The following ZPR1 variants were observed in gnomAD, a reference collection of about 807,000 sequenced individuals.
ZPR1 encodes the protein ZPR1 zinc finger.
Under a neutral mutation model 59.6 loss-of-function variants are expected in ZPR1, and 37 were observed. The observed-to-expected ratio is 0.62, with a 90% confidence interval of 0.48 to 0.82. The LOEUF (loss-of-function observed/expected upper bound fraction) is 0.82. ZPR1 is among the 40% of genes least tolerant of loss of function. ZPR1 has a pLI of 0.00. For synonymous variants in ZPR1, 191 were observed against 215.2 expected, an observed-to-expected ratio of 0.89 and a Z score of 0.99; for missense variants, 527 against 579.9, an observed-to-expected ratio of 0.91 and a Z score of 0.94.
chr11:116,775,411 T>G lies in ZPR1; in HGVS notation c.*3514A>C, dbSNP rs1940707886. 1 of 140,534 alleles carries G rather than the reference T, an allele frequency of 7.1e-6. No individual in the cohort carries two copies. Among genetic ancestry groups the G allele is most frequent in the Admixed American group, 7.6e-5 (1 of 13,160 alleles). 8.7% of individuals were successfully genotyped at this position (140,534 alleles called of 1,614,324 possible). On this transcript the variant is annotated 3_prime_UTR_variant, in exon 14 of 14. Transcript: ENST00000227322. ...GAGGCAAGGCTGCAGTGAGCCAAGATCGCACCACTGCACTCCATCCTGGGT... is the reference window on the plus strand; with the variant it reads ...GAGGCAAGGCTGCAGTGAGCCAAGAGCGCACCACTGCACTCCATCCTGGGT...
Position 116,786,523 on chromosome 11 carries a change from C to G in ZPR1, c.483G>C (p.Gln161His), listed in dbSNP as rs1940889388. 1.9e-6 allele frequency: 3 copies of G among 1,614,216 alleles called. No individual in the cohort carries two copies. The highest frequency in any genetic ancestry group is 2.5e-6 in the Non-Finnish European group (3 of 1,180,032). Residue 161 changes from glutamine (Q) to histidine (H), a missense_variant, in exon 4 of 14, where the codon CAG becomes CAC. Coordinates refer to ENST00000227322, the MANE Select transcript of ZPR1 (RefSeq NM_003904.5). ...AACCCCAGCTTACCCTTCGTGCAGG[C>G]TGGTCCTGCTCCAGGCCAGAGATAG... ...TRAISGLEQD[Q>H]PARRANKDAT...
rs752955196 is a variant in ZPR1, at chr11:116,782,909, AG to A, written c.1092+9del. 1.2e-5 allele frequency: 19 copies of A among 1,611,946 alleles called. 1 individual carries two copies. Among genetic ancestry groups the A allele is most frequent in the Middle Eastern group, 1.7e-4 (1 of 6,056 alleles). On this transcript the variant is annotated intron_variant, in intron 11 of 13. Transcript: ENST00000227322. The stretch of plus-strand genomic sequence containing the variant: ...TCAAAGGTGGTTTACACACTACTCA[AG>A]TGACTCACCAGTTCCCGGATGTCTT...
rs1365376283 is a variant in ZPR1 at position 116,774,323 on chromosome 11, G to C, written c.*4602C>G. ...GTTGTACATTAGATTCCCAGAACTTGTCTTAAAACTGAAAACTTGTACCAT... is the reference window on the plus strand; with the variant it reads ...GTTGTACATTAGATTCCCAGAACTTCTCTTAAAACTGAAAACTTGTACCAT... On this transcript the variant is annotated 3_prime_UTR_variant, in exon 14 of 14. Transcript: ENST00000227322. 6.6e-6 allele frequency: 1 copy of C among 152,064 alleles called. No homozygotes were observed. Among genetic ancestry groups the C allele is most frequent in the Non-Finnish European group, 1.5e-5 (1 of 68,000 alleles). 9.4% of individuals were successfully genotyped at this position (152,064 alleles called of 1,614,324 possible).
chr11:116,783,536 G>A lies in ZPR1; in HGVS notation c.975C>T (p.Leu325=), dbSNP rs368516782. 2.1e-5 allele frequency: 34 copies of A among 1,613,574 alleles called. No homozygotes were observed. The highest frequency in any genetic ancestry group is 2.8e-5 in the Non-Finnish European group (33 of 1,179,610). ...TTCCCAAGCAGACTGTTACCTTGAG[G>A]AGGTCTCTGGTCATATCTGAGGCAT... ...ITDASDMTRD[L]LKSETCSVEI... Residue 325 remains leucine, a synonymous_variant, in exon 10 of 14, where the codon CTC becomes CTT. Transcript: ENST00000227322.
intron 3 of ZPR1, 73 bp downstream of exon 3, chr11:116,786,895 AG>A: frequency 4.1e-6 from 5 of 1,205,278 alleles, no homozygotes; most frequent in Non-Finnish European, 4.9e-6. Flanking sequence ...ACCTGGCACC[AG>A]GGGGTTTTGC....
In ZPR1 at chr11:116,786,944, C is replaced by T. The variant is rs1322393421; in HGVS notation, c.424+25G>A. The T allele has an allele frequency of 1.9e-6, 3 of 1,594,782 alleles. No individual in the cohort carries two copies. In the Admixed American group the frequency reaches 5.0e-5, roughly 27 times the overall value. ...AAGATTCTAGCTACATGCGAACAGC[C>T]CAAATACTCTGATCTTAAACTTACC... On this transcript the variant is annotated intron_variant, in intron 3 of 13. Transcript: ENST00000227322.
intron 7 of ZPR1, 41 bp from the exon 8 acceptor site, chr11:116,784,962 T>C (rs1250897558): frequency 6.2e-7 from 1 of 1,612,450 alleles, no homozygotes. Flanking sequence ...CCCTCCCAGA[T>C]GGGATGTTCA....
Position 116,775,745 on chromosome 11 carries a change from CCCCAT to C in ZPR1, c.*3175_*3179del, listed in dbSNP as rs1940715260. On this transcript the variant is annotated 3_prime_UTR_variant, in exon 14 of 14. Transcript: ENST00000227322. ...GGATAATTTTGTTTATCCTAATTAT[CCCCAT>C]TTTACAGACTAGGAAAACAAGCATT... The C allele has an allele frequency of 1.2e-5, 2 of 165,124 alleles. No individual in the cohort carries two copies. Among genetic ancestry groups the C allele is most frequent in the African/African-American group, 4.9e-5 (2 of 40,924 alleles). The allele number at this position is 165,124 out of a possible 1,614,324, so 10.2% of individuals were successfully genotyped here.
At position 116,785,737 on chromosome 11, in the gene ZPR1, G is replaced by A. The variant is rs1940876187; in HGVS notation, c.582+59C>T. 9 of 1,611,780 alleles carry A rather than the reference G, an allele frequency of 5.6e-6. No homozygotes were observed. The South Asian group carries it at 9.9e-5, about 18-fold the overall frequency. On this transcript the variant is annotated intron_variant, in intron 5 of 13. Transcript: ENST00000227322. ...GCAGGCATCACAGTGGAAAATCCCA[G>A]CAGTCTTAATGGTCCCTCCTCCCCT...
In ZPR1 at chr11:116,787,036, C is replaced by T. The variant is rs770430998; in HGVS notation, c.357G>A (p.Lys119=). Residue 119 remains lysine (K), a synonymous_variant, in exon 3 of 14, where the codon AAG becomes AAA. Coordinates refer to ENST00000227322, the MANE Select transcript of ZPR1 (RefSeq NM_003904.5). ...GAATCCTTGTGGCAGCAGAGTCAGTCTTCACCACTTCTCTGTTCATGTCCT... is the reference window on the plus strand; with the variant it reads ...GAATCCTTGTGGCAGCAGAGTCAGTTTTCACCACTTCTCTGTTCATGTCCT... ...ALEDMNREVV[K]TDSAATRIPE... is the part of the protein sequence containing the mutation. 6.2e-7 allele frequency: 1 copy of T among 1,614,178 alleles called. No homozygotes were observed. The highest frequency in any genetic ancestry group is 1.1e-5 in the South Asian group (1 of 91,082).
chr11:116,781,808 C>T (rs1014812245), intron 12 of ZPR1, among the ~76,000 whole-genome samples: 17 of 151,960 alleles, frequency 1.1e-4, no homozygotes, highest in African/African-American at 2.4e-4. Context: ...GTCAGGAGTT[C>T]GAGACCAGTC....
At position 116,787,931 on chromosome 11, in the gene ZPR1, G is replaced by T; in HGVS notation, c.60C>A (p.Pro20=). The part of the protein sequence containing the change: ...GPPGAAVAPS[P]APAPPPAPDH... ...CAGGGGCAGGCGGCGGGGCCGGGGC[G>T]GGCGACGGGGCGACGGCAGCCCCCG... The change falls in exon 1 of 14, where the codon CCC becomes CCA. Residue 20 remains proline, a synonymous_variant. Coordinates refer to ENST00000227322, the MANE Select transcript of ZPR1 (RefSeq NM_003904.5). 3 of 1,478,552 alleles carry T rather than the reference G, an allele frequency of 2.0e-6. No individual in the cohort carries two copies. The highest frequency in any genetic ancestry group is 2.7e-6 in the Non-Finnish European group (3 of 1,122,202). 91.6% of individuals were successfully genotyped at this position (1,478,552 alleles called of 1,614,324 possible). A position where few individuals can be genotyped will look rare whatever the true frequency, so the allele number is the denominator to read the frequency against.
rs745764070 is a variant in ZPR1, at chr11:116,779,075, G to A, written c.1246-16C>T. 10 of 1,613,592 alleles carry A rather than the reference G, an allele frequency of 6.2e-6. No homozygotes were observed. Among genetic ancestry groups the A allele is most frequent in the Non-Finnish European group, 6.8e-6 (8 of 1,179,802 alleles). ...CATACACATTCTGCAAGGTCAAGGA[G>A]AGACAATCAGTGCCGCTGTGCCACT... On this transcript the variant is annotated splice_polypyrimidine_tract_variant and intron_variant, in intron 13 of 13. Coordinates refer to ENST00000227322, the MANE Select transcript of ZPR1 (RefSeq NM_003904.5).
At position 116,775,502 on chromosome 11, in the gene ZPR1, C is replaced by T. The variant is rs1940710373; in HGVS notation, c.*3423G>A. On this transcript the variant is annotated 3_prime_UTR_variant, in exon 14 of 14. Coordinates refer to ENST00000227322, the MANE Select transcript of ZPR1 (RefSeq NM_003904.5). ...AATTAGCCAGGCATGGTGGCGTGCA[C>T]CTGTAGTCCCAGCTACTCAGAAGGC... 6.4e-6 allele frequency: 1 copy of T among 155,708 alleles called. No individual in the cohort carries two copies. The highest frequency in any genetic ancestry group is 6.6e-5 in the Admixed American group (1 of 15,102). The allele number at this position is 155,708 out of a possible 1,614,324, so 9.6% of individuals were successfully genotyped here.
chr11:116,782,082 G>T (rs1940815494), intron 12 of ZPR1, 76 bp downstream of exon 12: 11 of 1,085,646 alleles, frequency 1.0e-5, no homozygotes, highest in Non-Finnish European at 1.5e-5. Flanking sequence ...TCAAAAAGTG[G>T]CAAGACATGA....
chr11:116,784,771 C>T (rs1940859064), intron 8 of ZPR1, 84 bp downstream of exon 8: 3 of 1,391,278 alleles, frequency 2.2e-6, no homozygotes, highest in Admixed American at 1.8e-5. Context: ...CATGTGTTTT[C>T]CTTGAAAGGG....
rs1940686634 is a variant in ZPR1, at chr11:116,773,957, TAGTC to T, written c.*4964_*4967del. 1 of 152,230 alleles carries T rather than the reference TAGTC, an allele frequency of 6.6e-6. No individual in the cohort carries two copies. The highest frequency in any genetic ancestry group is 1.5e-5 in the Non-Finnish European group (1 of 68,038). 9.4% of individuals were successfully genotyped at this position (152,230 alleles called of 1,614,324 possible). On this transcript the variant is annotated 3_prime_UTR_variant, in exon 14 of 14. Transcript: ENST00000227322. ...ATTAAGGAAGTTGCTCAACTTCACA[TAGTC>T]AGAACATGACTCTAGGGAGTAGAGG...
chr11:116,784,956 C>T (rs767051584), intron 7 of ZPR1, 35 bp from the exon 8 acceptor site: 7 of 1,612,972 alleles, frequency 4.3e-6, no homozygotes, highest in South Asian at 1.1e-5. Context: ...GGTGAGCCCT[C>T]CCAGATGGGA....
At position 116,788,014 on chromosome 11, in the gene ZPR1, T is replaced by A; in HGVS notation, c.-24A>T. 2 of 1,410,804 alleles carry A rather than the reference T, an allele frequency of 1.4e-6. No individual in the cohort carries two copies. The highest frequency in any genetic ancestry group is 1.8e-6 in the Non-Finnish European group (2 of 1,090,580). The allele number at this position is 1,410,804 out of a possible 1,614,324, so 87.4% of individuals were successfully genotyped here. On this transcript the variant is annotated 5_prime_UTR_variant, in exon 1 of 14. Coordinates refer to ENST00000227322, the MANE Select transcript of ZPR1 (RefSeq NM_003904.5). ...ATGGCCACCACGCGCAATTCAGACC[T>A]CGGCTTCCTACTTCCGCCGCTCTCG...
Sources: gnomAD v4.1 joint callset for allele counts (sites outside exome capture counted in the v4.1 genomes callset) on GRCh38, gnomAD v4.1.1 for gene constraint, MANE v1.5 for transcripts, NCBI Gene and HGNC (gene_info 2026-07-23, HGNC 2026-07-21) for gene names.